FHIT: variants seen among roughly 807,000 people sequenced by gnomAD.
FHIT encodes bis(5'-adenosyl)-triphosphatase.
Under a neutral mutation model 17.9 loss-of-function variants are expected in FHIT, and 19 were observed. That is an observed-to-expected ratio of 1.06 (90% CI 0.74 to 1.56). The LOEUF (loss-of-function observed/expected upper bound fraction) is 1.56, where lower values mean the gene tolerates loss of function less well. Among genes scored for constraint, FHIT ranks in the 40% most tolerant of loss-of-function variants. The pLI, the probability that FHIT is intolerant of heterozygous loss-of-function variation, is 0.00. For synonymous variants in FHIT, 81 were observed against 69.7 expected (o/e 1.16, Z -0.81); for missense variants, 248 against 189.2 (o/e 1.31, Z -1.82).
chr3:59,962,838 A>G (rs1707748912), intron 7 of FHIT, among the ~76,000 whole-genome samples: 1 of 152,254 alleles, frequency 6.6e-6, no homozygotes, highest in South Asian at 2.1e-4. Context: ...AAATGAAATA[A>G]TAATAGAACA....
At chr3:60,528,957 C>T (rs2035672271) in intron 5 of FHIT, among the ~76,000 whole-genome samples, 1 of 152,140 alleles carries the variant, frequency 6.6e-6, no homozygotes, top group Non-Finnish European at 1.5e-5. Context: ...ACTCCACTGC[C>T]TAAGACATAT....
intron 4 of FHIT, among the ~76,000 whole-genome samples, chr3:60,673,186 C>T (rs1294867069): frequency 1.3e-5 from 2 of 152,072 alleles, no homozygotes; most frequent in Non-Finnish European, 2.9e-5. Context: ...TTCTGTGCTC[C>T]TCATTCCTTC....
At chr3:60,660,056 C>T (rs1173703241) in intron 4 of FHIT, among the ~76,000 whole-genome samples, 1 of 152,116 alleles carries the variant, frequency 6.6e-6, no homozygotes, top group Non-Finnish European at 1.5e-5. Context: ...CGGTGACTTT[C>T]TAATTTCCCA....
chr3:61,198,535 G>GA (rs2038919181), intron 2 of FHIT, among the ~76,000 whole-genome samples: 1 of 51,380 alleles, frequency 1.9e-5, no homozygotes, highest in South Asian at 9.5e-4. Context: ...AAAAATTGGT[G>GA]GGGGGGTTCC....
At chr3:60,444,505 T>G (rs2031173824) in intron 5 of FHIT, among the ~76,000 whole-genome samples, 1 of 152,192 alleles carries the variant, frequency 6.6e-6, no homozygotes, top group Non-Finnish European at 1.5e-5. Flanking sequence ...CATGGAATAC[T>G]ATGCAGCCAT....
intron 5 of FHIT, among the ~76,000 whole-genome samples, chr3:60,485,778 A>AT (rs897935820): frequency 2.0e-5 from 3 of 151,974 alleles, no homozygotes; most frequent in Admixed American, 6.6e-5. Flanking sequence ...CTAAAGTAAA[A>AT]TTTTTTTTAA....
chr3:60,492,868 C>T (rs755812934), intron 5 of FHIT, among the ~76,000 whole-genome samples: 3 of 152,102 alleles, frequency 2.0e-5, no homozygotes, highest in Non-Finnish European at 2.9e-5. Flanking sequence ...ATTCATGTGT[C>T]TTTATTCATT....
intron 3 of FHIT, among the ~76,000 whole-genome samples, chr3:60,874,074 C>T (rs1376620042): frequency 6.6e-6 from 1 of 152,118 alleles, no homozygotes; most frequent in Non-Finnish European, 1.5e-5. Context: ...CTGTATTGAG[C>T]ACACCCCTAC....
At chr3:59,866,336 G>A (rs1347096273) in intron 8 of FHIT, among the ~76,000 whole-genome samples, 1 of 152,130 alleles carries the variant, frequency 6.6e-6, no homozygotes, top group Non-Finnish European at 1.5e-5. Context: ...TAGAAAAAGG[G>A]CAATGTAACT....
At chr3:60,183,293 G>A (rs559860834) in intron 5 of FHIT, among the ~76,000 whole-genome samples, 60 of 152,270 alleles carry the variant, frequency 3.9e-4, no homozygotes, top group African/African-American at 1.3e-3. Context: ...AGCTACTTGG[G>A]AGGCTTAGGC....
intron 4 of FHIT, among the ~76,000 whole-genome samples, chr3:60,551,068 TC>T (rs1165637129): frequency 6.6e-6 from 1 of 152,028 alleles, no homozygotes; most frequent in Non-Finnish European, 1.5e-5. Flanking sequence ...GATAAAATGT[TC>T]CAGATGGAGG....
At chr3:60,269,422 T>G (rs570250287) in intron 5 of FHIT, among the ~76,000 whole-genome samples, 58 of 152,198 alleles carry the variant, frequency 3.8e-4, no homozygotes, top group African/African-American at 1.2e-3. Context: ...CTGCTGGCTG[T>G]TCTTTTGAGA....
At chr3:60,335,404 G>T (rs990896079) in intron 5 of FHIT, among the ~76,000 whole-genome samples, 4 of 152,146 alleles carry the variant, frequency 2.6e-5, no homozygotes, top group Admixed American at 1.3e-4. Flanking sequence ...AAATTCAGTT[G>T]ACAACAGGTA....
chr3:60,962,037 G>C (rs868921608), intron 3 of FHIT, among the ~76,000 whole-genome samples: 9 of 152,100 alleles, frequency 5.9e-5, no homozygotes, highest in African/African-American at 1.4e-4. Flanking sequence ...CCATTTTCAC[G>C]ATATTGATTC....
At chr3:60,860,408 ACAT>A (rs575233624) in intron 3 of FHIT, among the ~76,000 whole-genome samples, 3,975 of 138,262 alleles carry the variant, frequency 0.029, 443 homozygotes, top group South Asian at 0.047. Flanking sequence ...TATATGACAT[ACAT>A]CATATGTATA....
At chr3:60,086,937 G>A (rs145391007) in intron 5 of FHIT, among the ~76,000 whole-genome samples, 2 of 152,208 alleles carry the variant, frequency 1.3e-5, no homozygotes, top group African/African-American at 4.8e-5. Context: ...CCCTGATAGA[G>A]ATTCTGTGGT....
rs535285527 is a variant in FHIT at position 60,253,746 on chromosome 3, T to C, written c.104-239594A>G. Among the ~76,000 whole-genome samples the C allele has an allele frequency of 2.6e-5, 4 of 152,274 alleles. No individual in the cohort carries two copies. The South Asian group carries it at 8.3e-4, about 32-fold the overall frequency. On this transcript the variant is annotated intron_variant, in intron 5 of 9. Coordinates refer to ENST00000492590, the MANE Select transcript of FHIT (RefSeq NM_002012.4). Reference sequence around the variant, plus strand: ...TTCTGAAAACTAATCCACCTTCTTATCAGCCAATATGTCCTCCTTCAAGGA... The same window carrying C: ...TTCTGAAAACTAATCCACCTTCTTACCAGCCAATATGTCCTCCTTCAAGGA...
At chr3:60,537,759 AG>A (rs1160909239) in intron 4 of FHIT, among the ~76,000 whole-genome samples, 1 of 152,216 alleles carries the variant, frequency 6.6e-6, no homozygotes, top group Non-Finnish European at 1.5e-5. Flanking sequence ...CTTTTCAATC[AG>A]GTGGATGCCA....
intron 8 of FHIT, among the ~76,000 whole-genome samples, chr3:59,768,524 T>C (rs1439222181): frequency 6.6e-6 from 1 of 152,210 alleles, no homozygotes; most frequent in Admixed American, 6.5e-5. Flanking sequence ...AGGACACTTA[T>C]TGTACATGCC....
Sources: gnomAD v4.1 joint callset for allele counts (sites outside exome capture counted in the v4.1 genomes callset) on GRCh38, gnomAD v4.1.1 for gene constraint, MANE v1.5 for transcripts, NCBI Gene and HGNC (gene_info 2026-07-23, HGNC 2026-07-21) for gene names.